The following LHFPL3 variants were observed in gnomAD, a reference collection of about 807,000 sequenced individuals.
LHFPL3 encodes LHFPL tetraspan subfamily member 3 protein.
In LHFPL3, 5 loss-of-function variants were observed where a neutral mutation model predicts 19.3. The observed-to-expected ratio is 0.26, with a 90% CI of 0.14 to 0.54. The LOEUF (loss-of-function observed/expected upper bound fraction) is 0.54. Ranked by LOEUF, LHFPL3 falls within the 20% of genes least tolerant of loss-of-function variation. LHFPL3 has a pLI of 0.94. For missense variants in LHFPL3, 249 were observed against 307.4 expected, an observed-to-expected ratio of 0.81 and a Z score of 1.42; for synonymous variants, 133 against 126.2, an observed-to-expected ratio of 1.05 and a Z score of -0.36.
rs77103440 is a variant in LHFPL3 at position 104,380,010 on chromosome 7, C to T, written c.445+50786C>T. ...AACACACTTGTTTATATTGTAAAGTCTTATCTGTTTCACTATGATATATCT... is the reference window on the plus strand; with the variant it reads ...AACACACTTGTTTATATTGTAAAGTTTTATCTGTTTCACTATGATATATCT... On this transcript the variant is annotated intron_variant, in intron 1 of 2. Transcript: ENST00000424859. 6.6e-3 allele frequency among the ~76,000 whole-genome samples: 998 copies of T among 152,170 alleles called. 10 individuals are homozygous for T. Among genetic ancestry groups the T allele is most frequent in the African/African-American group, 0.023 (952 of 41,458 alleles).
intron 2 of LHFPL3, chr7:104,845,475 T>C: frequency 2.0e-6 from 3 of 1,525,050 alleles, no homozygotes; most frequent in Non-Finnish European, 2.6e-6. Context: ...TTTTGTGCGC[T>C]TCTGCCTTCT....
chr7:104,756,378 A>G lies in LHFPL3; in HGVS notation c.682+19467A>G, dbSNP rs1452931445. Among the ~76,000 whole-genome samples the G allele has an allele frequency of 2.0e-5, 3 of 152,236 alleles. No individual in the cohort carries two copies. The East Asian group carries it at 5.8e-4, about 29-fold the overall frequency. On this transcript the variant is annotated intron_variant, in intron 2 of 2. Coordinates refer to ENST00000424859, the MANE Select transcript of LHFPL3 (RefSeq NM_199000.3). ...TATAAATACAAAATTGTCAGTTACA[A>G]TGAAATGAAATTAATATCCAGTCTC...
intron 1 of LHFPL3, among the ~76,000 whole-genome samples, chr7:104,405,280 A>G (rs1791392579): frequency 6.6e-6 from 1 of 152,176 alleles, no homozygotes; most frequent in Admixed American, 6.5e-5. Flanking sequence ...TTTCCTAACT[A>G]ATATTCTATG....
chr7:104,824,343 AT>A (rs1790760272), intron 2 of LHFPL3, among the ~76,000 whole-genome samples: 1 of 33,964 alleles, frequency 2.9e-5, no homozygotes, highest in African/African-American at 1.2e-4. Flanking sequence ...AATATATATA[AT>A]TATAGATAAT....
chr7:104,388,601 A>G (rs886173492), intron 1 of LHFPL3, among the ~76,000 whole-genome samples: 5 of 152,130 alleles, frequency 3.3e-5, no homozygotes, highest in Non-Finnish European at 7.4e-5. Context: ...GAAATTAAAA[A>G]CCAATATCTT....
chr7:104,410,700 C>G (rs1353208984), intron 1 of LHFPL3, among the ~76,000 whole-genome samples: 2 of 152,166 alleles, frequency 1.3e-5, no homozygotes, highest in African/African-American at 2.4e-5. Flanking sequence ...TACTTTGCAG[C>G]AGTGAGGAAA....
chr7:104,736,547 G>T (rs559043977), intron 1 of LHFPL3, 128 bp from the exon 2 acceptor site: 6 of 665,304 alleles, frequency 9.0e-6, no homozygotes, highest in Non-Finnish European at 1.3e-5. Flanking sequence ...ACAGTGGTGA[G>T]ATTTGCTGTT....
chr7:104,383,314 A>G (rs1790867383), intron 1 of LHFPL3, among the ~76,000 whole-genome samples: 3 of 152,200 alleles, frequency 2.0e-5, no homozygotes. Flanking sequence ...CTTGGGCCAC[A>G]AGGACCGTCA....
chr7:104,480,417 A>G (rs1328777304), intron 1 of LHFPL3, among the ~76,000 whole-genome samples: 4 of 152,196 alleles, frequency 2.6e-5, no homozygotes, highest in African/African-American at 4.8e-5. Flanking sequence ...GCACACCGGC[A>G]TGTCCAACTG....
In LHFPL3 at chr7:104,736,772, TG is replaced by T; in HGVS notation, c.547del (p.Ala183LeufsTer19). ...CGEKTDKYTL[G>X]ACSVRWAYIL... ...GAGAAAAGACAGACAAGTACACTCT[TG>T]GGGCTTGCTCAGTCCGCTGGGCATA... is the stretch of plus-strand genomic sequence containing the variant. On this transcript the variant is annotated frameshift_variant, in exon 2 of 3. Coordinates refer to ENST00000424859, the MANE Select transcript of LHFPL3 (RefSeq NM_199000.3). LOFTEE classifies it high-confidence loss of function. 6.2e-7 allele frequency: 1 copy of T among 1,613,748 alleles called. No homozygotes were observed. The highest frequency in any genetic ancestry group is 8.5e-7 in the Non-Finnish European group (1 of 1,179,816).
intron 1 of LHFPL3, among the ~76,000 whole-genome samples, chr7:104,629,652 T>A (rs1791605655): frequency 6.6e-6 from 1 of 152,210 alleles, no homozygotes; most frequent in South Asian, 2.1e-4. Context: ...TCCAGCTCAC[T>A]GCTCATGATG....
chr7:104,585,831 C>G (rs1027279389), intron 1 of LHFPL3, among the ~76,000 whole-genome samples: 1 of 151,820 alleles, frequency 6.6e-6, no homozygotes, highest in Non-Finnish European at 1.5e-5. Flanking sequence ...AAACAACAAC[C>G]TTTTTAAAAA....
intron 1 of LHFPL3, among the ~76,000 whole-genome samples, chr7:104,723,637 G>T (rs547657839): frequency 6.2e-5 from 9 of 144,784 alleles, no homozygotes; most frequent in African/African-American, 2.3e-4. Context: ...CAGGAGAATC[G>T]CTTGAACCCG....
intron 1 of LHFPL3, among the ~76,000 whole-genome samples, chr7:104,377,273 G>A (rs746739806): frequency 2.0e-5 from 3 of 152,164 alleles, no homozygotes; most frequent in Non-Finnish European, 4.4e-5. Flanking sequence ...AGAGAGAAAT[G>A]CATCATGGTG....
At chr7:104,687,093 A>C (rs1792820573) in intron 1 of LHFPL3, among the ~76,000 whole-genome samples, 1 of 152,246 alleles carries the variant, frequency 6.6e-6, no homozygotes, top group African/African-American at 2.4e-5. Context: ...GAGCCAGACC[A>C]TATATAGCTA....
In LHFPL3 at chr7:104,547,096, C is replaced by T. The variant is rs1420426963; in HGVS notation, c.446-189579C>T. Among the ~76,000 whole-genome samples, 2 of 76,752 alleles carry T rather than the reference C, an allele frequency of 2.6e-5. 1 individual carries two copies. Among genetic ancestry groups the T allele is most frequent in the Non-Finnish European group, 5.7e-5 (2 of 35,168 alleles). 50.4% of individuals were successfully genotyped at this position (76,752 alleles called of 152,430 possible). ...CTAAAAATACAAAAAATTAGCCGGG[C>T]GCGGTGGCGGGCGCCTGTAGTCCCA... On this transcript the variant is annotated intron_variant, in intron 1 of 2. Transcript: ENST00000424859.
intron 1 of LHFPL3, among the ~76,000 whole-genome samples, chr7:104,352,972 C>T (rs928209504): frequency 6.6e-6 from 1 of 152,156 alleles, no homozygotes; most frequent in African/African-American, 2.4e-5. Flanking sequence ...TGGGTTGGTG[C>T]CTGATTTCAG....
chr7:104,637,280 C>T (rs1791745820), intron 1 of LHFPL3, among the ~76,000 whole-genome samples: 1 of 152,020 alleles, frequency 6.6e-6, no homozygotes. Flanking sequence ...CTGGATATTA[C>T]ACCTTTGTCT....
chr7:104,588,085 C>T (rs1790622012), intron 1 of LHFPL3, among the ~76,000 whole-genome samples: 1 of 152,036 alleles, frequency 6.6e-6, no homozygotes, highest in Non-Finnish European at 1.5e-5. Flanking sequence ...ACTCTGATGG[C>T]ACTTTCTTTT....
Sources: allele counts gnomAD v4.1 joint callset (sites outside exome capture counted in the v4.1 genomes callset), GRCh38; gene constraint gnomAD v4.1.1; transcripts MANE v1.5; gene names NCBI Gene and HGNC (gene_info 2026-07-23, HGNC 2026-07-21).